STARD8: variants seen among roughly 807,000 people sequenced by gnomAD.
The protein encoded by STARD8 is StAR related lipid transfer domain containing 8.
STARD8 carries 25 observed loss-of-function variants against 69.4 expected under a neutral mutation model. That is an observed-to-expected ratio of 0.36 (90% CI 0.26 to 0.50). STARD8 has a LOEUF of 0.50. Ranked by LOEUF, STARD8 falls within the 20% of genes least tolerant of loss-of-function variation. The pLI, the probability that STARD8 is intolerant of heterozygous loss-of-function variation, is 0.96. For missense variants in STARD8, 921 were observed against 932.5 expected (o/e 0.99, Z 0.16); for synonymous variants, 389 against 374.6 (o/e 1.04, Z -0.45).
In STARD8 at chrX:68,718,509, A is replaced by G. The variant is rs781607963; in HGVS notation, c.1595A>G (p.Asp532Gly). 2 of 1,212,232 alleles carry G rather than the reference A, an allele frequency of 1.6e-6. No individual in the cohort carries two copies. The highest frequency in any genetic ancestry group is 2.2e-6 in the Non-Finnish European group (2 of 895,591). Residue 532 changes from aspartate to glycine, a missense_variant, in exon 6 of 15, where the codon GAC (aspartate) becomes GGC (glycine). Asp to Gly is a moderately conservative substitution (Grantham distance 94). Coordinates refer to ENST00000374599, the MANE Select transcript of STARD8 (RefSeq NM_001142503.3). ...ACTGTGGCCTCCTCCAGCGAACTTGACAGTAGTGGGAACTCCATGAATGAG... is the reference window on the plus strand; with the variant it reads ...ACTGTGGCCTCCTCCAGCGAACTTGGCAGTAGTGGGAACTCCATGAATGAG... Reference protein sequence around the residue: ...SDTVASSSELDSSGNSMNEAE... With the variant: ...SDTVASSSELGSSGNSMNEAE...
chrX:68,680,469 T>C (rs939262172), intron 2 of STARD8, among the ~76,000 whole-genome samples: 3 of 112,391 alleles, frequency 2.7e-5, no homozygotes, highest in Non-Finnish European at 5.6e-5. Context: ...ACAGGGCCCC[T>C]GGCTAGTCAC....
chrX:68,653,313 A>C (rs1602536184), intron 1 of STARD8, among the ~76,000 whole-genome samples: 14 of 16,591 alleles, frequency 8.4e-4, no homozygotes, highest in Non-Finnish European at 1.2e-3. Context: ...ACACCACACC[A>C]CACACCACAC....
chrX:68,721,506 G>A (rs1401929500), intron 9 of STARD8, 30 bp from the exon 10 acceptor site: 2 of 1,200,078 alleles, frequency 1.7e-6, no homozygotes. Context: ...GGGAAGTAAG[G>A]AAGGCTCTTC....
rs2080195477 is a variant in STARD8, at chrX:68,725,671, C to T, written c.*1249C>T. ...ATACACATACATATATATACACACA[C>T]GCATTTGCACAGACACACACATATA... On this transcript the variant is annotated 3_prime_UTR_variant, in exon 15 of 15. Coordinates refer to ENST00000374599, the MANE Select transcript of STARD8 (RefSeq NM_001142503.3). 9.4e-6 allele frequency: 1 copy of T among 106,177 alleles called. No individual in the cohort carries two copies. The highest frequency in any genetic ancestry group is 2.9e-4 in the East Asian group (1 of 3,422). The allele number at this position is 106,177 out of a possible 1,213,427, so 8.8% of individuals were successfully genotyped here. A position where few individuals can be genotyped will look rare whatever the true frequency, so the allele number is the denominator to read the frequency against.
chrX:68,674,576 C>T (rs896696486), intron 2 of STARD8, among the ~76,000 whole-genome samples: 1 of 110,988 alleles, frequency 9.0e-6, no homozygotes, highest in Non-Finnish European at 1.9e-5. Flanking sequence ...ACTATTTGCT[C>T]CATTCATGCA....
chrX:68,686,580 G>A (rs1444055500), intron 2 of STARD8, among the ~76,000 whole-genome samples: 3 of 113,116 alleles, frequency 2.7e-5, no homozygotes, highest in Non-Finnish European at 5.6e-5. Flanking sequence ...GCCCCAGGCG[G>A]GGAGGTCAGG....
In STARD8 at chrX:68,725,721, T is replaced by A. The variant is rs1028002463; in HGVS notation, c.*1299T>A. The stretch of plus-strand genomic sequence containing the variant: ...ATCAATTCTCATGAGTGTATTATAA[T>A]CTCTGGTGGGGGCAAGTGTCTGGAA... On this transcript the variant is annotated 3_prime_UTR_variant, in exon 15 of 15. Transcript: ENST00000374599. 6 of 108,671 alleles carry A rather than the reference T, an allele frequency of 5.5e-5. No homozygotes were observed. Among genetic ancestry groups the A allele is most frequent in the Non-Finnish European group, 1.1e-4 (6 of 52,469 alleles). 9.0% of individuals were successfully genotyped at this position (108,671 alleles called of 1,213,427 possible).
intron 1 of STARD8, among the ~76,000 whole-genome samples, chrX:68,661,419 T>A (rs916125855): frequency 8.9e-6 from 1 of 112,213 alleles, no homozygotes; most frequent in African/African-American, 3.2e-5. Context: ...AAACTCATGA[T>A]CTGCCTTTTA....
At chrX:68,670,869 C>T (rs1417524628) in intron 2 of STARD8, among the ~76,000 whole-genome samples, 2 of 111,541 alleles carry the variant, frequency 1.8e-5, no homozygotes, top group African/African-American at 6.5e-5. Context: ...TAATTTGCTG[C>T]CATTTAGTTG....
rs768819993 is a variant in STARD8, at chrX:68,688,713, G to A, written c.79+23181G>A. ...GCTGGGGGCAAAGACCAGGGCTCCA[G>A]GAGTGGGGCAGCTTAGCCTCAGCCC... On this transcript the variant is annotated intron_variant, in intron 2 of 14. Coordinates refer to ENST00000374599, the MANE Select transcript of STARD8 (RefSeq NM_001142503.3). 4.0e-3 allele frequency among the ~76,000 whole-genome samples: 444 copies of A among 111,231 alleles called. 2 individuals carry two copies. The highest frequency in any genetic ancestry group is 0.014 in the African/African-American group (423 of 30,685).
rs748654115 is a variant in STARD8 at position 68,723,720 on chromosome X, C to A, written c.2894C>A (p.Ala965Asp). The A allele has an allele frequency of 4.6e-5, 55 of 1,190,207 alleles. No homozygotes were observed. Among genetic ancestry groups the A allele is most frequent in the Non-Finnish European group, 5.5e-5 (49 of 884,994 alleles). ...VVLHRVLRER[A>D]LWDEDLLRAQ... Reference sequence around the variant, plus strand: ...CTGCATCGTGTTCTCCGGGAGCGGGCCCTCTGGGATGAGGATCTGCTGCGG... The same window carrying A: ...CTGCATCGTGTTCTCCGGGAGCGGGACCTCTGGGATGAGGATCTGCTGCGG... Residue 965 changes from alanine to aspartate, a missense_variant, in exon 13 of 15, where the codon GCC becomes GAC. Transcript: ENST00000374599.
At chrX:68,720,878 A>T in intron 8 of STARD8, 46 bp from the exon 9 acceptor site, 1 of 1,146,600 alleles carries the variant, frequency 8.7e-7, no homozygotes, top group Non-Finnish European at 1.2e-6. Flanking sequence ...TCTGCCTCCT[A>T]CTCATGCATG....
chrX:68,653,869 A>G (rs1378665864), intron 1 of STARD8, among the ~76,000 whole-genome samples: 1 of 111,885 alleles, frequency 8.9e-6, no homozygotes, highest in East Asian at 2.8e-4. Context: ...AGCACTTAGC[A>G]TGGTGTTATG....
At position 68,724,825 on chromosome X, in the gene STARD8, C is replaced by T. The variant is rs773016626; in HGVS notation, c.*403C>T. ...CTGCCAGACTGAGAGGGCAAGCCGT[C>T]TTGTTTGCTGCAAGGATGCTTTTGA... On this transcript the variant is annotated 3_prime_UTR_variant, in exon 15 of 15. Coordinates refer to ENST00000374599, the MANE Select transcript of STARD8 (RefSeq NM_001142503.3). The T allele has an allele frequency of 1.5e-5, 2 of 129,808 alleles. No individual in the cohort carries two copies. Among genetic ancestry groups the T allele is most frequent in the South Asian group, 5.9e-4 (2 of 3,393 alleles). 10.7% of individuals were successfully genotyped at this position (129,808 alleles called of 1,213,427 possible).
chrX:68,700,307 A>G (rs1397116719), intron 2 of STARD8, among the ~76,000 whole-genome samples: 2 of 112,402 alleles, frequency 1.8e-5, no homozygotes, highest in Non-Finnish European at 3.8e-5. Context: ...TGATTTCCCC[A>G]GAATGATCTG....
At position 68,659,913 on chromosome X, in the gene STARD8, C is replaced by G. The variant is rs973493272; in HGVS notation, c.46-5586C>G. 4.5e-5 allele frequency among the ~76,000 whole-genome samples: 5 copies of G among 111,156 alleles called. No homozygotes were observed. The Admixed American group carries it at 4.8e-4, about 11-fold the overall frequency. Reference sequence around the variant, plus strand: ...GGAAGGAATTAAGGGGAAAAGCGTCCGAGGGAGTAGGAATTTTTGCCAAGG... The same window carrying G: ...GGAAGGAATTAAGGGGAAAAGCGTCGGAGGGAGTAGGAATTTTTGCCAAGG... On this transcript the variant is annotated intron_variant, in intron 1 of 14. Transcript: ENST00000374599.
intron 2 of STARD8, among the ~76,000 whole-genome samples, chrX:68,681,939 G>A (rs1020737876): frequency 9.0e-6 from 1 of 110,799 alleles, no homozygotes; most frequent in Non-Finnish European, 1.9e-5. Flanking sequence ...CCACCATTTG[G>A]TTTGGTCAAG....
intron 4 of STARD8, 32 bp downstream of exon 4, chrX:68,715,407 C>T: frequency 8.7e-7 from 1 of 1,151,928 alleles, no homozygotes; most frequent in Non-Finnish European, 1.2e-6. Context: ...CCTGGGAAGC[C>T]AAAGGCCTGG....
chrX:68,689,769 C>A (rs1010274424), intron 2 of STARD8, among the ~76,000 whole-genome samples: 2 of 111,400 alleles, frequency 1.8e-5, no homozygotes, highest in East Asian at 5.7e-4. Flanking sequence ...TGGAGGCAAC[C>A]GTGATAGTCC....
Sources: gnomAD v4.1 joint callset for allele counts (sites outside exome capture counted in the v4.1 genomes callset) on GRCh38, gnomAD v4.1.1 for gene constraint, MANE v1.5 for transcripts, NCBI Gene and HGNC (gene_info 2026-07-23, HGNC 2026-07-21) for gene names.